Variants in DMTF1 observed in about 807,000 individuals in gnomAD.
DMTF1 encodes the protein cyclin D binding myb like transcription factor 1.
In DMTF1, 39 loss-of-function variants were observed where a neutral mutation model predicts 91.1. That is an observed-to-expected ratio of 0.43 (90% confidence interval 0.33 to 0.56). The LOEUF (loss-of-function observed/expected upper bound fraction) is 0.56. Ranked by LOEUF, DMTF1 falls within the 20% of genes least tolerant of loss-of-function variation. The pLI is 0.05. For synonymous variants in DMTF1, 338 were observed against 309.5 expected (o/e 1.09, Z -0.97); for missense variants, 750 against 914.5 (o/e 0.82, Z 2.32).
At chr7:87,158,874 G>A (rs929654795) in intron 1 of DMTF1, among the ~76,000 whole-genome samples, 34 of 151,978 alleles carry the variant, frequency 2.2e-4, no homozygotes, top group African/African-American at 7.2e-4. Flanking sequence ...AAATGCTGTC[G>A]TTAATACTGA....
intron 15 of DMTF1, 180 bp downstream of exon 15, chr7:87,193,533 T>A (rs1011260282): frequency 1.2e-6 from 1 of 801,662 alleles, no homozygotes; most frequent in Non-Finnish European, 2.0e-6. Context: ...TCTCTTTATG[T>A]AAGATGGCTA....
chr7:87,156,237 A>G (rs933538879), intron 1 of DMTF1, among the ~76,000 whole-genome samples: 1 of 152,160 alleles, frequency 6.6e-6, no homozygotes, highest in African/African-American at 2.4e-5. Context: ...ATATAGTTTT[A>G]TTGTCAAACC....
At chr7:87,169,958 T>G (rs1794708260) in intron 4 of DMTF1, among the ~76,000 whole-genome samples, 1 of 152,202 alleles carries the variant, frequency 6.6e-6, no homozygotes, top group African/African-American at 2.4e-5. Context: ...ACTACCAGAT[T>G]TATTCCAGAC....
chr7:87,195,974 G>A lies in DMTF1; in HGVS notation c.*834G>A, dbSNP rs911142444. 2 of 152,326 alleles carry A rather than the reference G, an allele frequency of 1.3e-5. No homozygotes were observed. Among genetic ancestry groups the A allele is most frequent in the African/African-American group, 4.8e-5 (2 of 41,470 alleles). 9.4% of individuals were successfully genotyped at this position (152,326 alleles called of 1,614,324 possible). On this transcript the variant is annotated 3_prime_UTR_variant, in exon 18 of 18. Coordinates refer to ENST00000331242, the MANE Select transcript of DMTF1 (RefSeq NM_001142327.2). ...GAGAATAGTTTGTCATCCACTTAGT[G>A]TGTTAGCTGGTGGGGTACAATATAA... is the stretch of plus-strand genomic sequence containing the variant.
intron 13 of DMTF1, 109 bp downstream of exon 13, chr7:87,188,410 G>T: frequency 9.1e-7 from 1 of 1,104,380 alleles, no homozygotes; most frequent in East Asian, 2.4e-5. Flanking sequence ...ACCCAAGTCG[G>T]TGAACTGAAG....
At chr7:87,181,198 A>C (rs1401010157) in intron 8 of DMTF1, 111 bp from the exon 9 acceptor site, 2 of 584,956 alleles carry the variant, frequency 3.4e-6, no homozygotes, top group Admixed American at 6.0e-5. Context: ...TAAAAGTATT[A>C]TATGCTAAGT....
intron 3 of DMTF1, among the ~76,000 whole-genome samples, chr7:87,165,387 A>G (rs55823330): frequency 0.037 from 5,610 of 152,298 alleles, 128 homozygotes; most frequent in East Asian, 0.064. Context: ...CTGTGTTAAA[A>G]AATTGTACAC....
At chr7:87,174,492 A>C in intron 6 of DMTF1, 101 bp from the exon 7 acceptor site, 1 of 785,446 alleles carries the variant, frequency 1.3e-6, no homozygotes, top group Non-Finnish European at 2.0e-6. Flanking sequence ...AATTAGCTAA[A>C]TTTTATCCCC....
chr7:87,162,038 A>G (rs1446899740), intron 1 of DMTF1, among the ~76,000 whole-genome samples: 2 of 152,226 alleles, frequency 1.3e-5, no homozygotes, highest in South Asian at 2.1e-4. Context: ...TGGGAACAAC[A>G]TAAATGTCCA....
chr7:87,184,744 G>A (rs1188899759), intron 11 of DMTF1, 119 bp downstream of exon 11: 4 of 833,206 alleles, frequency 4.8e-6, no homozygotes, highest in Non-Finnish European at 8.0e-6. Context: ...TTTCCATAGA[G>A]CACTACTGTT....
intron 1 of DMTF1, among the ~76,000 whole-genome samples, chr7:87,157,814 A>G (rs576145715): frequency 2.2e-4 from 33 of 151,860 alleles, no homozygotes; most frequent in Middle Eastern, 3.4e-3. Context: ...TAACTCCATT[A>G]TAAGAGTTTT....
chr7:87,153,429 A>C (rs1296155501), intron 1 of DMTF1, among the ~76,000 whole-genome samples: 1 of 152,208 alleles, frequency 6.6e-6, no homozygotes, highest in African/African-American at 2.4e-5. Context: ...GTTTTACCAC[A>C]ATCTCCAGAG....
chr7:87,155,228 A>G (rs148981597), intron 1 of DMTF1, among the ~76,000 whole-genome samples: 58 of 152,348 alleles, frequency 3.8e-4, no homozygotes, highest in African/African-American at 1.3e-3. Context: ...TGTCTGTTGC[A>G]AAGACATCAA....
In DMTF1 at chr7:87,185,874, T is replaced by C. The variant is rs1798295987; in HGVS notation, c.1095T>C (p.Asp365=). The change falls in exon 12 of 18, where the codon GAT becomes GAC. Residue 365 remains aspartate, a synonymous_variant. Transcript: ENST00000331242. ...DVADENDINW[D]LLAEGWSSVR... is the part of the protein sequence containing the mutation. The stretch of plus-strand genomic sequence containing the variant: ...CTGATGAAAATGACATTAACTGGGA[T>C]CTGTTAGCTGAGGGATGGAGTAGTG... 1 of 1,613,922 alleles carries C rather than the reference T, an allele frequency of 6.2e-7. No individual in the cohort carries two copies. Among genetic ancestry groups the C allele is most frequent in the African/African-American group, 1.3e-5 (1 of 75,028 alleles).
chr7:87,186,929 A>G (rs1310749802), intron 12 of DMTF1: 2 of 152,184 alleles, frequency 1.3e-5, no homozygotes, highest in Non-Finnish European at 2.9e-5. Flanking sequence ...AACTTTTGTG[A>G]GTTGTATAAT....
chr7:87,168,684 T>C (rs917990916), intron 4 of DMTF1, among the ~76,000 whole-genome samples: 1 of 152,188 alleles, frequency 6.6e-6, no homozygotes, highest in Non-Finnish European at 1.5e-5. Context: ...TCTGTACCAG[T>C]GCAGCTAATT....
Position 87,194,021 on chromosome 7 carries a change from C to T in DMTF1, c.1947C>T (p.Val649=). 1 of 1,613,084 alleles carries T rather than the reference C, an allele frequency of 6.2e-7. No homozygotes were observed. Among genetic ancestry groups the T allele is most frequent in the Non-Finnish European group, 8.5e-7 (1 of 1,179,506 alleles). Residue 649 remains valine (V), a synonymous_variant, in exon 16 of 18, where the codon GTC becomes GTT. Coordinates refer to ENST00000331242, the MANE Select transcript of DMTF1 (RefSeq NM_001142327.2). ...NSTELMNSVM[V]RTEEEISDTD... ...CAGAACTGATGAATAGTGTTATGGT[C>T]AGAACAGAAGAAGAAATCTCTGACA...
At chr7:87,178,795 T>C (rs1796768497) in intron 7 of DMTF1, among the ~76,000 whole-genome samples, 1 of 151,760 alleles carries the variant, frequency 6.6e-6, no homozygotes, top group East Asian at 1.9e-4. Context: ...TTTAAACTTT[T>C]GATAGTTTAA....
chr7:87,177,367 T>C (rs920565646), intron 7 of DMTF1, among the ~76,000 whole-genome samples: 60 of 152,292 alleles, frequency 3.9e-4, no homozygotes, highest in African/African-American at 1.4e-3. Context: ...ATTTCTCTGA[T>C]AACATTTTGA....
Sources: allele counts gnomAD v4.1 joint callset (sites outside exome capture counted in the v4.1 genomes callset), GRCh38; gene constraint gnomAD v4.1.1; transcripts MANE v1.5; gene names NCBI Gene and HGNC (gene_info 2026-07-23, HGNC 2026-07-21).